Variants in CLEC2D observed in about 807,000 individuals in gnomAD.
CLEC2D encodes the protein C-type lectin related f.
CLEC2D carries 16 observed loss-of-function variants against 20.0 expected under a neutral mutation model. The observed-to-expected ratio is 0.80, with a 90% CI of 0.54 to 1.22. The LOEUF (loss-of-function observed/expected upper bound fraction) is 1.22, where lower values mean the gene tolerates loss of function less well. Ranked by LOEUF, CLEC2D falls within the 50% of genes most tolerant of loss-of-function variation. The probability of loss-of-function intolerance (pLI) is 0.00; values close to 1 mark genes in which losing one functional copy is unlikely to be tolerated. For missense variants in CLEC2D, 207 were observed against 221.5 expected (o/e 0.93, Z 0.42); for synonymous variants, 77 against 71.1 (o/e 1.08, Z -0.42).
chr12:9,683,886 G>GTT (rs149143626), intron 2 of CLEC2D, among the ~76,000 whole-genome samples: 131 of 147,432 alleles, frequency 8.9e-4, no homozygotes, highest in South Asian at 1.1e-3. Context: ...GAAATTTAAA[G>GTT]TTTTTTTTTT....
In CLEC2D at chr12:9,695,890, G is replaced by C. The variant is rs1390683399; in HGVS notation, c.*1016G>C. On this transcript the variant is annotated 3_prime_UTR_variant, in exon 5 of 5. Coordinates refer to ENST00000290855, the MANE Select transcript of CLEC2D (RefSeq NM_013269.6). ...TGATGATGAAGATGATGATGATGATGATGACGAGGAAGCTGAAGAAAAAGC... is the reference window on the plus strand; with the variant it reads ...TGATGATGAAGATGATGATGATGATCATGACGAGGAAGCTGAAGAAAAAGC... 20 of 1,113,274 alleles carry C rather than the reference G, an allele frequency of 1.8e-5. No homozygotes were observed. The highest frequency in any genetic ancestry group is 7.0e-5 in the East Asian group (3 of 42,658). 69.0% of individuals were successfully genotyped at this position (1,113,274 alleles called of 1,614,324 possible).
At chr12:9,685,601 A>G (rs1227946524) in intron 2 of CLEC2D, among the ~76,000 whole-genome samples, 3 of 152,188 alleles carry the variant, frequency 2.0e-5, no homozygotes, top group African/African-American at 7.2e-5. Flanking sequence ...GCTTTGCTGC[A>G]CTGTGGTGGG....
At chr12:9,688,902 A>T (rs1214585158) in intron 3 of CLEC2D, among the ~76,000 whole-genome samples, 1 of 152,210 alleles carries the variant, frequency 6.6e-6, no homozygotes, top group Non-Finnish European at 1.5e-5. Context: ...GAAGAGTTTG[A>T]TAAAGAGGAT....
chr12:9,695,376 G>A lies in CLEC2D; in HGVS notation c.*502G>A, dbSNP rs1437441500. ...CTTGTCTCCTACCTAAGTGTGTGTC[G>A]CCACCCGATGGAAGATTCGATGGAC... On this transcript the variant is annotated 3_prime_UTR_variant, in exon 5 of 5. Coordinates refer to ENST00000290855, the MANE Select transcript of CLEC2D (RefSeq NM_013269.6). 60 of 1,434,312 alleles carry A rather than the reference G, an allele frequency of 4.2e-5. No individual in the cohort carries two copies. Among genetic ancestry groups the A allele is most frequent in the South Asian group, 6.8e-5 (6 of 88,032 alleles). 88.8% of individuals were successfully genotyped at this position (1,434,312 alleles called of 1,614,324 possible). A position where few individuals can be genotyped will look rare whatever the true frequency, so the allele number is the denominator to read the frequency against.
intron 1 of CLEC2D, among the ~76,000 whole-genome samples, chr12:9,677,011 TC>T (rs1311991864): frequency 2.6e-5 from 4 of 152,000 alleles, no homozygotes; most frequent in Non-Finnish European, 5.9e-5. Context: ...CTTCCTCTTT[TC>T]TTCTTAATTA....
At chr12:9,692,040 G>C (rs1382783374) in intron 3 of CLEC2D, among the ~76,000 whole-genome samples, 5 of 152,216 alleles carry the variant, frequency 3.3e-5, no homozygotes, top group African/African-American at 1.2e-4. Flanking sequence ...AGCCTATGCT[G>C]CTGCTGTTGT....
chr12:9,688,031 G>A lies in CLEC2D; in HGVS notation c.302G>A (p.Arg101Lys), dbSNP rs138289149. 3.0e-4 allele frequency: 476 copies of A among 1,612,798 alleles called. 4 individuals are homozygous for A. The African/African-American group carries it at 5.6e-3, about 19-fold the overall frequency. Residue 101 changes from arginine (R) to lysine (K), a missense_variant, in exon 3 of 5, where the codon AGG (arginine) becomes AAG (lysine). By Grantham distance (26) the Arg-to-Lys change is conservative. Coordinates refer to ENST00000290855, the MANE Select transcript of CLEC2D (RefSeq NM_013269.6). Reference sequence around the variant, plus strand: ...ACCAAGAACTGGACATCAAGTCAGAGGTTTTGTGACTCACAAGATGCTGAT... The same window carrying A: ...ACCAAGAACTGGACATCAAGTCAGAAGTTTTGTGACTCACAAGATGCTGAT... The part of the protein sequence containing the change: ...DDTKNWTSSQ[R>K]FCDSQDADLA...
chr12:9,691,946 A>C (rs1316912207), intron 3 of CLEC2D, among the ~76,000 whole-genome samples: 1 of 152,190 alleles, frequency 6.6e-6, no homozygotes, highest in African/African-American at 2.4e-5. Flanking sequence ...AAAATTGTTT[A>C]TATATTTAAT....
intron 1 of CLEC2D, among the ~76,000 whole-genome samples, chr12:9,676,419 T>C (rs12301473): frequency 0.027 from 4,056 of 152,282 alleles, 192 homozygotes; most frequent in African/African-American, 0.093. Flanking sequence ...AATTTTTTTG[T>C]ATATATTGAT....
intron 3 of CLEC2D, among the ~76,000 whole-genome samples, chr12:9,692,111 T>TTCTC (rs1865878388): frequency 2.6e-5 from 4 of 151,972 alleles, no homozygotes; most frequent in African/African-American, 9.7e-5. Context: ...CTTTCTTTCT[T>TTCTC]TCTTTCTCTT....
intron 3 of CLEC2D, among the ~76,000 whole-genome samples, 171 bp from the exon 4 acceptor site, chr12:9,692,657 C>A (rs1364481238): frequency 6.6e-6 from 1 of 152,144 alleles, no homozygotes; most frequent in Non-Finnish European, 1.5e-5. Flanking sequence ...AAATTATCTT[C>A]TTTTGATATG....
rs1866046161 is a variant in CLEC2D, at chr12:9,698,236, A to G, written c.*3362A>G. On this transcript the variant is annotated 3_prime_UTR_variant, in exon 5 of 5. Transcript: ENST00000290855. ...ACTTATCATTTTCTGTGGTGAGAAC[A>G]TTTGAAATTTATTCTCTTGACAATT... 6.6e-6 allele frequency: 1 copy of G among 152,192 alleles called. No homozygotes were observed. Among genetic ancestry groups the G allele is most frequent in the Admixed American group, 6.5e-5 (1 of 15,276 alleles). 9.4% of individuals were successfully genotyped at this position (152,192 alleles called of 1,614,324 possible). A position where few individuals can be genotyped will look rare whatever the true frequency, so the allele number is the denominator to read the frequency against.
At chr12:9,682,980 C>T (rs1865667225) in intron 2 of CLEC2D, among the ~76,000 whole-genome samples, 1 of 152,116 alleles carries the variant, frequency 6.6e-6, no homozygotes, top group Non-Finnish European at 1.5e-5. Flanking sequence ...AAAAGTGTTC[C>T]TATTTCTCTA....
intron 1 of CLEC2D, among the ~76,000 whole-genome samples, chr12:9,672,198 C>G (rs943612856): frequency 1.3e-5 from 2 of 152,158 alleles, no homozygotes; most frequent in Non-Finnish European, 2.9e-5. Context: ...CAAGAGGCAC[C>G]AAACTTGCTT....
At chr12:9,686,496 A>G (rs1174681672) in intron 2 of CLEC2D, among the ~76,000 whole-genome samples, 2 of 152,138 alleles carry the variant, frequency 1.3e-5, no homozygotes, top group Non-Finnish European at 2.9e-5. Flanking sequence ...GCCTCATGTT[A>G]TGATTTGTTA....
intron 1 of CLEC2D, chr12:9,680,196 C>T (rs948672226): frequency 1.9e-5 from 6 of 320,316 alleles, no homozygotes; most frequent in Admixed American, 1.7e-4. Flanking sequence ...TTAGGCACTT[C>T]TGTCTCCTGC....
At chr12:9,685,320 G>C (rs1266112538) in intron 2 of CLEC2D, among the ~76,000 whole-genome samples, 1 of 152,180 alleles carries the variant, frequency 6.6e-6, no homozygotes, top group Non-Finnish European at 1.5e-5. Flanking sequence ...TGGGGGTCAG[G>C]GACCCACTTG....
chr12:9,671,377 C>T (rs11052305), intron 1 of CLEC2D, among the ~76,000 whole-genome samples: 1 of 152,108 alleles, frequency 6.6e-6, no homozygotes, highest in Non-Finnish European at 1.5e-5. Flanking sequence ...CCCGCCACCA[C>T]GCCCGGCTAC....
intron 1 of CLEC2D, chr12:9,680,286 T>C (rs2114873): frequency 0.88 from 226,735 of 258,350 alleles, 99,843 homozygotes; most frequent in East Asian, 0.96. Flanking sequence ...CCATGTAGAA[T>C]TGTGAGTCAG....
Sources: gnomAD v4.1 joint callset for allele counts (sites outside exome capture counted in the v4.1 genomes callset) on GRCh38, gnomAD v4.1.1 for gene constraint, MANE v1.5 for transcripts, NCBI Gene and HGNC (gene_info 2026-07-23, HGNC 2026-07-21) for gene names.